The following CAPN7 variants were observed in gnomAD, a reference collection of about 807,000 sequenced individuals.
CAPN7 encodes the protein calpain 7.
CAPN7 carries 72 observed loss-of-function variants against 115.2 expected under a neutral mutation model. The observed-to-expected ratio is 0.63, with a 90% CI of 0.52 to 0.76. The LOEUF is 0.76. Ranked by LOEUF, CAPN7 falls within the 30% of genes least tolerant of loss-of-function variation. The probability of loss-of-function intolerance (pLI) is 0.00; values close to 1 mark genes in which losing one functional copy is unlikely to be tolerated. For missense variants in CAPN7, 905 were observed against 971.5 expected (o/e 0.93, Z 0.91); for synonymous variants, 344 against 322.3 (o/e 1.07, Z -0.72).
chr3:15,224,566 C>T (rs142287735), intron 6 of CAPN7, among the ~76,000 whole-genome samples: 8 of 151,892 alleles, frequency 5.3e-5, no homozygotes, highest in African/African-American at 1.7e-4. Context: ...AGCCACTGTG[C>T]CTGACCCTTC....
intron 9 of CAPN7, chr3:15,232,066 A>T (rs1318866881): frequency 3.1e-6 from 1 of 322,064 alleles, no homozygotes; most frequent in Non-Finnish European, 6.0e-6. Flanking sequence ...TGGGACCAGA[A>T]GTGTTTTGGA....
chr3:15,241,180 G>A (rs921723845), intron 14 of CAPN7, among the ~76,000 whole-genome samples: 2 of 152,062 alleles, frequency 1.3e-5, no homozygotes, highest in African/African-American at 2.4e-5. Context: ...ACTCCAGCCC[G>A]GACAACAGAG....
At chr3:15,227,813 T>A (rs1016173793) in intron 6 of CAPN7, 26 bp from the exon 7 acceptor site, 3 of 1,375,888 alleles carry the variant, frequency 2.2e-6, no homozygotes, top group Non-Finnish European at 2.9e-6. Context: ...TTAATTTTTT[T>A]ATTTTAATTT....
chr3:15,219,255 C>G (rs1449709490), intron 4 of CAPN7, among the ~76,000 whole-genome samples: 2 of 152,146 alleles, frequency 1.3e-5, no homozygotes, highest in East Asian at 1.9e-4. Context: ...AATGAGTTTG[C>G]ATAAGCGAAT....
intron 19 of CAPN7, among the ~76,000 whole-genome samples, chr3:15,248,758 C>A (rs1015622695): frequency 3.3e-5 from 5 of 151,948 alleles, no homozygotes; most frequent in Middle Eastern, 3.2e-3. Context: ...TTTGGAAGGC[C>A]AAGACAGGAG....
At chr3:15,224,686 CTCTT>C (rs1341063090) in intron 6 of CAPN7, among the ~76,000 whole-genome samples, 2 of 151,752 alleles carry the variant, frequency 1.3e-5, no homozygotes, top group African/African-American at 4.8e-5. Flanking sequence ...GTGATTTAAC[CTCTT>C]TCAGTACTTT....
At chr3:15,206,903 C>T (rs1260507199) in intron 1 of CAPN7, among the ~76,000 whole-genome samples, 3 of 152,240 alleles carry the variant, frequency 2.0e-5, no homozygotes, top group African/African-American at 7.2e-5. Context: ...GTAGCCAATT[C>T]TTGCTGTCAC....
At chr3:15,216,508 A>G (rs190309871) in intron 2 of CAPN7, among the ~76,000 whole-genome samples, 180 of 152,248 alleles carry the variant, frequency 1.2e-3, no homozygotes, top group African/African-American at 4.2e-3. Context: ...AGAGATCTTT[A>G]TATATTCTGG....
chr3:15,240,930 C>T lies in CAPN7; in HGVS notation c.1652+77C>T, dbSNP rs9811636. The T allele has an allele frequency of 5.9e-3, 5,317 of 906,362 alleles. 211 individuals are homozygous for T. In the African/African-American group the frequency reaches 0.075, roughly 13 times the overall value. 56.1% of individuals were successfully genotyped at this position (906,362 alleles called of 1,614,324 possible). ...CACTTAAAAACATAATGGTGCCAGG[C>T]GCAGTGGCTCATGCCTGTAATCCCA... On this transcript the variant is annotated intron_variant, in intron 14 of 20. Transcript: ENST00000253693.
intron 1 of CAPN7, among the ~76,000 whole-genome samples, chr3:15,209,918 T>TA (rs1270174772): frequency 6.6e-6 from 1 of 152,228 alleles, no homozygotes. Context: ...CCCAGTCCTT[T>TA]CTATAAGCTA....
intron 19 of CAPN7, among the ~76,000 whole-genome samples, chr3:15,247,967 T>C (rs1411032512): frequency 2.7e-5 from 4 of 150,758 alleles, no homozygotes; most frequent in African/African-American, 1.0e-4. Context: ...TAGGTGGGAA[T>C]TGAACAATGA....
At chr3:15,228,110 A>T in intron 7 of CAPN7, 145 bp downstream of exon 7, 1 of 470,222 alleles carries the variant, frequency 2.1e-6, no homozygotes, top group East Asian at 3.7e-5. Context: ...ACACATTTTG[A>T]CTGAAACATA....
chr3:15,234,039 G>T, intron 11 of CAPN7, 66 bp downstream of exon 11: 1 of 872,998 alleles, frequency 1.1e-6, no homozygotes, highest in Non-Finnish European at 1.9e-6. Flanking sequence ...ATGCTGGCTG[G>T]GCGTGGTGGG....
At chr3:15,216,832 A>G (rs1034204603) in intron 2 of CAPN7, among the ~76,000 whole-genome samples, 2 of 152,204 alleles carry the variant, frequency 1.3e-5, no homozygotes, top group African/African-American at 4.8e-5. Context: ...AGAGAAATTC[A>G]GGGAAAGAAT....
intron 9 of CAPN7, among the ~76,000 whole-genome samples, chr3:15,231,617 C>T (rs1169647474): frequency 2.6e-5 from 4 of 152,040 alleles, no homozygotes. Flanking sequence ...GCAACCTCCG[C>T]CTCCTGGGTG....
At position 15,235,129 on chromosome 3, in the gene CAPN7, A is replaced by G; in HGVS notation, c.1391A>G (p.Asp464Gly). 1.2e-6 allele frequency: 2 copies of G among 1,607,924 alleles called. No homozygotes were observed. The highest frequency in any genetic ancestry group is 8.5e-7 in the Non-Finnish European group (1 of 1,178,414). ...LVPTHAYAVL[D>G]IREFKGLRFI... The stretch of plus-strand genomic sequence containing the variant: ...CCCACACACGCATATGCTGTTTTGG[A>G]TATTAGAGAGTTCAAGGTTTTGCCT... The change falls in exon 12 of 21, where the codon GAT becomes GGT. Residue 464 changes from aspartate to glycine, a missense_variant. Coordinates refer to ENST00000253693, the MANE Select transcript of CAPN7 (RefSeq NM_014296.3).
chr3:15,207,761 C>T (rs934996072), intron 1 of CAPN7, among the ~76,000 whole-genome samples: 1 of 151,974 alleles, frequency 6.6e-6, no homozygotes, highest in Non-Finnish European at 1.5e-5. Context: ...GGGAGGTCTT[C>T]AGGAGCAATA....
At chr3:15,223,036 A>G (rs753247988) in intron 5 of CAPN7, among the ~76,000 whole-genome samples, 5 of 152,244 alleles carry the variant, frequency 3.3e-5, no homozygotes, top group Non-Finnish European at 7.3e-5. Context: ...ACCATAGCTG[A>G]TATCTATGAC....
chr3:15,220,770 C>G lies in CAPN7; in HGVS notation c.438-11C>G. 1.2e-6 allele frequency: 2 copies of G among 1,612,710 alleles called. No homozygotes were observed. Among genetic ancestry groups the G allele is most frequent in the South Asian group, 1.1e-5 (1 of 91,006 alleles). ...AAAACTAGAACAGTTGTTTGTTCCTCTCTGTTATAGAGCAGAAGCGCTGAG... is the reference window on the plus strand; with the variant it reads ...AAAACTAGAACAGTTGTTTGTTCCTGTCTGTTATAGAGCAGAAGCGCTGAG... On this transcript the variant is annotated splice_polypyrimidine_tract_variant and intron_variant, in intron 4 of 20. Transcript: ENST00000253693.
Sources: allele counts gnomAD v4.1 joint callset (sites outside exome capture counted in the v4.1 genomes callset), GRCh38; gene constraint gnomAD v4.1.1; transcripts MANE v1.5; gene names NCBI Gene and HGNC (gene_info 2026-07-23, HGNC 2026-07-21).